The following ATP8B4 variants were observed in gnomAD, a reference collection of about 807,000 sequenced individuals.
ATP8B4 encodes ATPase phospholipid transporting 8B4 (putative), also known as probable phospholipid-transporting ATPase IM.
A neutral mutation model predicts 145.6 loss-of-function variants in ATP8B4; 133 were observed. The observed-to-expected ratio is 0.91, with a 90% CI of 0.79 to 1.05. The LOEUF is 1.05. Among genes scored for constraint, ATP8B4 ranks in the 50% least tolerant of loss-of-function variants. The pLI, the probability that ATP8B4 is intolerant of heterozygous loss-of-function variation, is 0.00. For missense variants in ATP8B4, 1,458 were observed against 1,425.2 expected (o/e 1.02, Z -0.37); for synonymous variants, 507 against 492.9 (o/e 1.03, Z -0.38).
At chr15:50,054,841 T>A (rs1315163389) in intron 3 of ATP8B4, among the ~76,000 whole-genome samples, 3 of 146,412 alleles carry the variant, frequency 2.0e-5, no homozygotes, top group South Asian at 4.4e-4. Flanking sequence ...CTCAGCACTT[T>A]AAATTCAGTC....
At chr15:50,039,425 T>C (rs1398685118) in intron 5 of ATP8B4, among the ~76,000 whole-genome samples, 4 of 152,206 alleles carry the variant, frequency 2.6e-5, no homozygotes, top group African/African-American at 9.6e-5. Flanking sequence ...TATTGTTTAA[T>C]CCAGTAATGT....
At chr15:49,864,792 CTATG>C (rs1020681243) in intron 26 of ATP8B4, among the ~76,000 whole-genome samples, 98 of 152,278 alleles carry the variant, frequency 6.4e-4, no homozygotes, top group African/African-American at 2.3e-3. Context: ...TTAAAAAGTA[CTATG>C]TACCAGGATA....
chr15:50,177,778 GA>G (rs1229748495), intron 1 of ATP8B4, among the ~76,000 whole-genome samples: 1 of 152,194 alleles, frequency 6.6e-6, no homozygotes, highest in Non-Finnish European at 1.5e-5. Context: ...CTTTGAATCA[GA>G]AATTTTGGAG....
chr15:50,024,999 T>G (rs573764860), intron 6 of ATP8B4, among the ~76,000 whole-genome samples: 2 of 152,344 alleles, frequency 1.3e-5, no homozygotes, highest in Admixed American at 1.3e-4. Flanking sequence ...TTGCCCCATA[T>G]TAGTTACAGG....
At chr15:49,970,356 T>G (rs1413246761) in intron 13 of ATP8B4, among the ~76,000 whole-genome samples, 1 of 152,190 alleles carries the variant, frequency 6.6e-6, no homozygotes, top group Non-Finnish European at 1.5e-5. Flanking sequence ...ATGACATGAT[T>G]GCATATTTAG....
intron 14 of ATP8B4, among the ~76,000 whole-genome samples, chr15:49,937,558 C>T (rs897932228): frequency 5.9e-5 from 9 of 152,052 alleles, no homozygotes; most frequent in African/African-American, 9.7e-5. Flanking sequence ...GTGCCCAGTA[C>T]GTACCAAGCA....
At chr15:50,054,329 T>C (rs1036448114) in intron 3 of ATP8B4, among the ~76,000 whole-genome samples, 1 of 152,142 alleles carries the variant, frequency 6.6e-6, no homozygotes, top group Non-Finnish European at 1.5e-5. Context: ...ATGTAATGCT[T>C]CAACCCAAAT....
chr15:50,005,196 G>A (rs1393024967), intron 7 of ATP8B4, among the ~76,000 whole-genome samples: 1 of 152,098 alleles, frequency 6.6e-6, no homozygotes, highest in Non-Finnish European at 1.5e-5. Context: ...AGGAACCAGT[G>A]TTTTCCAACA....
intron 20 of ATP8B4, among the ~76,000 whole-genome samples, chr15:49,913,124 C>CTTTTTTTT (rs543634812): frequency 0.041 from 5,561 of 137,246 alleles, 448 homozygotes; most frequent in African/African-American, 0.16. Context: ...GAGCACCTGG[C>CTTTTTTTT]TTTTTTTTTT....
At chr15:50,146,234 G>C (rs542351014) in intron 1 of ATP8B4, among the ~76,000 whole-genome samples, 169 of 152,154 alleles carry the variant, frequency 1.1e-3, no homozygotes, top group African/African-American at 3.9e-3. Context: ...GGCTGGTCTT[G>C]AACTCTGACC....
intron 10 of ATP8B4, 110 bp downstream of exon 10, chr15:49,987,281 T>G (rs191282067): frequency 1.9e-4 from 241 of 1,302,174 alleles, no homozygotes; most frequent in Non-Finnish European, 2.2e-4. Context: ...AGCACGACTT[T>G]GCATGGAATG....
rs897504003 is a variant in ATP8B4, at chr15:49,996,692, G to T, written c.574C>A (p.Leu192Ile). 1.9e-6 allele frequency: 3 copies of T among 1,607,682 alleles called. No homozygotes were observed. The change falls in exon 9 of 28, where the codon CTT (leucine) becomes ATT (isoleucine). Residue 192 changes from leucine (L) to isoleucine (I), a missense_variant. Coordinates refer to ENST00000284509, the MANE Select transcript of ATP8B4 (RefSeq NM_024837.4). ...TSELGADISR[L>I]AGFDGIVVCE... ...AAATACTTACCATCAAACCCTGCAAGTCTGCTGATATCTGCTCCAAGTTCT... is the reference window on the plus strand; with the variant it reads ...AAATACTTACCATCAAACCCTGCAATTCTGCTGATATCTGCTCCAAGTTCT...
chr15:49,966,688 C>T (rs2044579162), intron 13 of ATP8B4, among the ~76,000 whole-genome samples: 2 of 152,154 alleles, frequency 1.3e-5, no homozygotes, highest in Non-Finnish European at 2.9e-5. Flanking sequence ...GCTGTGCGCG[C>T]AGCGTCAGCA....
chr15:50,026,729 G>A (rs1266204853), intron 6 of ATP8B4, among the ~76,000 whole-genome samples: 1 of 152,184 alleles, frequency 6.6e-6, no homozygotes, highest in Non-Finnish European at 1.5e-5. Flanking sequence ...CTGAACCTCA[G>A]CCTCCTGACA....
intron 1 of ATP8B4, among the ~76,000 whole-genome samples, chr15:50,138,418 GAT>G (rs2044160305): frequency 7.6e-6 from 1 of 131,182 alleles, no homozygotes; most frequent in African/African-American, 3.4e-5. Flanking sequence ...ATGATAGATA[GAT>G]AGAGAGATAG....
chr15:49,943,275 A>C (rs528653977), intron 14 of ATP8B4, among the ~76,000 whole-genome samples: 4 of 152,292 alleles, frequency 2.6e-5, no homozygotes, highest in African/African-American at 9.6e-5. Context: ...TTTGAGGACA[A>C]GAGAGATGGA....
chr15:49,933,169 C>T (rs546955986), intron 15 of ATP8B4, among the ~76,000 whole-genome samples: 2 of 151,176 alleles, frequency 1.3e-5, no homozygotes, highest in Admixed American at 6.6e-5. Context: ...CAAGTAAAAC[C>T]TAAGAACCAA....
At chr15:50,019,010 T>C (rs1227392772) in intron 6 of ATP8B4, 10 of 1,015,830 alleles carry the variant, frequency 9.8e-6, no homozygotes, top group Admixed American at 2.3e-5. Context: ...TTCGAGTCAA[T>C]GTAAATCCAT....
intron 2 of ATP8B4, among the ~76,000 whole-genome samples, chr15:50,085,869 A>T (rs1296713502): frequency 1.5e-5 from 1 of 65,738 alleles, no homozygotes; most frequent in African/African-American, 7.2e-5. Flanking sequence ...TAAACGTATC[A>T]TATATATTTA....
Sources: gnomAD v4.1 joint callset for allele counts (sites outside exome capture counted in the v4.1 genomes callset) on GRCh38, gnomAD v4.1.1 for gene constraint, MANE v1.5 for transcripts, NCBI Gene and HGNC (gene_info 2026-07-23, HGNC 2026-07-21) for gene names.